Variants in SMG6 observed in about 807,000 individuals in gnomAD.
The protein encoded by SMG6 is telomerase-binding protein EST1A.
SMG6 carries 66 observed loss-of-function variants against 142.2 expected under a neutral mutation model. The observed-to-expected ratio is 0.46, with a 90% CI of 0.38 to 0.57. The LOEUF (loss-of-function observed/expected upper bound fraction) is 0.57, where lower values mean the gene tolerates loss of function less well. Among genes scored for constraint, SMG6 ranks in the 20% least tolerant of loss-of-function variants. SMG6 has a pLI of 0.00. For synonymous variants in SMG6, 779 were observed against 702.4 expected (o/e 1.11, Z -1.72); for missense variants, 1,793 against 1,832.0 (o/e 0.98, Z 0.39).
At chr17:2,235,394 A>C (rs2073620995) in intron 10 of SMG6, among the ~76,000 whole-genome samples, 1 of 152,148 alleles carries the variant, frequency 6.6e-6, no homozygotes. Flanking sequence ...CCGCATTTCC[A>C]TTTCAAGGCA....
intron 4 of SMG6, among the ~76,000 whole-genome samples, chr17:2,295,821 C>A (rs897526520): frequency 6.6e-6 from 1 of 152,198 alleles, no homozygotes; most frequent in Non-Finnish European, 1.5e-5. Context: ...CATATCCAAA[C>A]CTGAACCAAT....
chr17:2,237,653 G>GAA, intron 9 of SMG6: 1 of 758,794 alleles, frequency 1.3e-6, no homozygotes. Context: ...TGTAACGCAG[G>GAA]GAGGCAGAAA....
At chr17:2,231,526 G>A (rs1203972036) in intron 10 of SMG6, among the ~76,000 whole-genome samples, 3 of 152,154 alleles carry the variant, frequency 2.0e-5, no homozygotes, top group African/African-American at 4.8e-5. Context: ...TGAAACCCCC[G>A]TCTCTACTAA....
intron 12 of SMG6, among the ~76,000 whole-genome samples, chr17:2,179,369 T>C (rs1029386097): frequency 4.6e-5 from 7 of 152,156 alleles, no homozygotes; most frequent in African/African-American, 1.7e-4. Context: ...GTGAGTGAAC[T>C]AGTTGTTTTT....
At chr17:2,092,089 G>A (rs559032909) in intron 13 of SMG6, among the ~76,000 whole-genome samples, 10 of 151,454 alleles carry the variant, frequency 6.6e-5, no homozygotes, top group Admixed American at 1.3e-4. Flanking sequence ...GGGTTGAAGC[G>A]ATTCTCCTGC....
At chr17:2,180,056 G>T (rs963083844) in intron 12 of SMG6, among the ~76,000 whole-genome samples, 4 of 152,214 alleles carry the variant, frequency 2.6e-5, no homozygotes, top group African/African-American at 9.7e-5. Context: ...CTGTCCCACT[G>T]CCCTAGCCTT....
At chr17:2,124,974 G>A (rs1433654330) in intron 13 of SMG6, among the ~76,000 whole-genome samples, 1 of 152,034 alleles carries the variant, frequency 6.6e-6, no homozygotes, top group Non-Finnish European at 1.5e-5. Flanking sequence ...AGGTACATAC[G>A]CTGCTATAAA....
intron 4 of SMG6, among the ~76,000 whole-genome samples, chr17:2,296,180 G>A (rs2075138764): frequency 6.6e-6 from 1 of 152,220 alleles, no homozygotes; most frequent in African/African-American, 2.4e-5. Flanking sequence ...GCATATGAGA[G>A]TTTATGACCT....
intron 8 of SMG6, among the ~76,000 whole-genome samples, chr17:2,266,685 T>G (rs113442126): frequency 9.2e-5 from 14 of 152,222 alleles, no homozygotes; most frequent in African/African-American, 2.9e-4. Flanking sequence ...CCTCACATAT[T>G]GAAACAAAAC....
intron 8 of SMG6, chr17:2,280,502 A>T: frequency 4.5e-6 from 3 of 665,028 alleles, no homozygotes; most frequent in South Asian, 1.3e-4. Flanking sequence ...TGACCTTGTG[A>T]TCTGCTCGCC....
chr17:2,291,256 G>A (rs1464201472), intron 6 of SMG6, among the ~76,000 whole-genome samples: 5 of 151,918 alleles, frequency 3.3e-5, no homozygotes, highest in Non-Finnish European at 5.9e-5. Flanking sequence ...GCGTGAACCC[G>A]GGAGGCGGAG....
At chr17:2,256,876 G>C (rs1445936230) in intron 8 of SMG6, among the ~76,000 whole-genome samples, 1 of 152,196 alleles carries the variant, frequency 6.6e-6, no homozygotes, top group Non-Finnish European at 1.5e-5. Flanking sequence ...TGTAGGGAAA[G>C]AGCATACACA....
intron 18 of SMG6, 165 bp from the exon 19 acceptor site, chr17:2,061,787 C>T: frequency 1.3e-6 from 1 of 779,008 alleles, no homozygotes; most frequent in South Asian, 1.7e-5. Flanking sequence ...GCCCCGGGGA[C>T]CCTCCCCTGC....
intron 18 of SMG6, among the ~76,000 whole-genome samples, chr17:2,064,087 G>C (rs919409611): frequency 6.6e-6 from 1 of 152,118 alleles, no homozygotes; most frequent in African/African-American, 2.4e-5. Flanking sequence ...AGAGGACGCA[G>C]GAGAGAGTCA....
chr17:2,291,309 C>G (rs1042788025), intron 6 of SMG6, among the ~76,000 whole-genome samples: 10 of 149,370 alleles, frequency 6.7e-5, no homozygotes, highest in African/African-American at 2.5e-5. Context: ...CCAGCCTGAG[C>G]GACAGAGCGA....
Position 2,300,319 on chromosome 17 carries a change from ATC to A in SMG6, c.432_433del (p.Gln144HisfsTer12). ...CTGCAAACGTCGTCCAGGCTGATAG[ATC>A]TGCAGGTCGGGTTTCTTTGTTCTTT... On this transcript the variant is annotated frameshift_variant, in exon 2 of 19. Coordinates refer to ENST00000263073, the MANE Select transcript of SMG6 (RefSeq NM_017575.5). LOFTEE classifies it high-confidence loss of function. The A allele has an allele frequency of 1.2e-6, 2 of 1,614,008 alleles. No individual in the cohort carries two copies. The highest frequency in any genetic ancestry group is 1.7e-6 in the Non-Finnish European group (2 of 1,180,024).
At chr17:2,179,374 G>A (rs1280305898) in intron 12 of SMG6, among the ~76,000 whole-genome samples, 1 of 152,144 alleles carries the variant, frequency 6.6e-6, no homozygotes, top group Non-Finnish European at 1.5e-5. Flanking sequence ...TGAACTAGTT[G>A]TTTTTTAACT....
intron 8 of SMG6, among the ~76,000 whole-genome samples, chr17:2,255,008 G>A (rs1446165862): frequency 6.6e-6 from 1 of 152,050 alleles, no homozygotes; most frequent in African/African-American, 2.4e-5. Context: ...CATATATGAT[G>A]TTCTCAAAAG....
At chr17:2,185,440 A>T (rs2151684858) in intron 12 of SMG6, among the ~76,000 whole-genome samples, 1 of 152,304 alleles carries the variant, frequency 6.6e-6, no homozygotes, top group Admixed American at 6.5e-5. Context: ...AATGTAATTT[A>T]TGTCACCGAA....
Sources: gnomAD v4.1 joint callset for allele counts (sites outside exome capture counted in the v4.1 genomes callset) on GRCh38, gnomAD v4.1.1 for gene constraint, MANE v1.5 for transcripts, NCBI Gene and HGNC (gene_info 2026-07-23, HGNC 2026-07-21) for gene names.